Variants in ENOX1 observed in about 807,000 individuals in gnomAD.
The protein encoded by ENOX1 is ecto-NOX disulfide-thiol exchanger 1, also known as candidate growth-related and time keeping constitutive hydroquinone (NADH) oxidase.
Under a neutral mutation model 82.5 loss-of-function variants are expected in ENOX1, and 42 were observed. The observed-to-expected ratio is 0.51, with a 90% confidence interval of 0.40 to 0.66. ENOX1 has a LOEUF of 0.66. Ranked by LOEUF, ENOX1 falls within the 30% of genes least tolerant of loss-of-function variation. ENOX1 has a pLI of 0.00. For missense variants in ENOX1, 608 were observed against 811.6 expected, an observed-to-expected ratio of 0.75 and a Z score of 3.05; for synonymous variants, 271 against 282.2, an observed-to-expected ratio of 0.96 and a Z score of 0.40.
At chr13:43,306,091 A>G (rs2046843980) in intron 11 of ENOX1, among the ~76,000 whole-genome samples, 1 of 152,162 alleles carries the variant, frequency 6.6e-6, no homozygotes, top group South Asian at 2.1e-4. Flanking sequence ...AATAAGGGAG[A>G]GAAGGCTTCT....
intron 1 of ENOX1, among the ~76,000 whole-genome samples, chr13:43,753,750 T>C (rs955422947): frequency 6.6e-6 from 1 of 152,348 alleles, no homozygotes; most frequent in Admixed American, 6.5e-5. Flanking sequence ...AATTCAAATA[T>C]GTAGTATCTA....
At chr13:43,780,749 C>T (rs1952207927) in intron 1 of ENOX1, among the ~76,000 whole-genome samples, 1 of 152,250 alleles carries the variant, frequency 6.6e-6, no homozygotes, top group South Asian at 2.1e-4. Flanking sequence ...CAGATGGTAA[C>T]TCTGGGCTCT....
chr13:43,650,657 G>A (rs1365122862), intron 2 of ENOX1, among the ~76,000 whole-genome samples: 1 of 2,460 alleles, frequency 4.1e-4, no homozygotes, highest in Non-Finnish European at 0.019. Context: ...TGGGCAACAT[G>A]GTGAAACCCG....
chr13:43,314,340 G>A (rs1407653332), intron 11 of ENOX1, among the ~76,000 whole-genome samples: 1 of 152,154 alleles, frequency 6.6e-6, no homozygotes, highest in East Asian at 1.9e-4. Flanking sequence ...TTCCAAGAAA[G>A]GGAAGGAAGT....
At chr13:43,604,515 G>C (rs1186295994) in intron 2 of ENOX1, among the ~76,000 whole-genome samples, 1 of 152,098 alleles carries the variant, frequency 6.6e-6, no homozygotes, top group Non-Finnish European at 1.5e-5. Flanking sequence ...AGATTTTTGA[G>C]GGTTTTTAAC....
chr13:43,329,170 A>T (rs1259616574), intron 9 of ENOX1, among the ~76,000 whole-genome samples: 1 of 152,198 alleles, frequency 6.6e-6, no homozygotes, highest in Non-Finnish European at 1.5e-5. Context: ...AGGATGAGTG[A>T]AAGTAGCTGT....
At chr13:43,690,514 C>G (rs1041617413) in intron 1 of ENOX1, among the ~76,000 whole-genome samples, 2 of 152,156 alleles carry the variant, frequency 1.3e-5, no homozygotes, top group Non-Finnish European at 2.9e-5. Context: ...ATGCATTTTA[C>G]TCTTCCTTTA....
chr13:43,332,638 T>C (rs918865214), intron 9 of ENOX1, among the ~76,000 whole-genome samples: 5 of 152,180 alleles, frequency 3.3e-5, no homozygotes, highest in Non-Finnish European at 7.3e-5. Flanking sequence ...TATAGTGACT[T>C]TTAAAGATTT....
intron 2 of ENOX1, among the ~76,000 whole-genome samples, chr13:43,632,682 G>C (rs2083268948): frequency 1.3e-5 from 2 of 151,976 alleles, no homozygotes; most frequent in African/African-American, 4.8e-5. Flanking sequence ...CTTGACCTCA[G>C]GTGATCCACC....
intron 2 of ENOX1, among the ~76,000 whole-genome samples, chr13:43,566,253 T>A (rs1019235700): frequency 6.6e-5 from 10 of 152,170 alleles, no homozygotes; most frequent in Admixed American, 4.6e-4. Flanking sequence ...AGATTTTTTT[T>A]AATTCTTGCA....
intron 11 of ENOX1, among the ~76,000 whole-genome samples, chr13:43,320,284 G>C (rs1271385836): frequency 6.6e-6 from 1 of 152,180 alleles, no homozygotes; most frequent in Non-Finnish European, 1.5e-5. Context: ...ACTGCTCGGG[G>C]CCTGGCATTT....
intron 2 of ENOX1, 95 bp from the exon 3 acceptor site, chr13:43,484,247 A>G: frequency 1.4e-6 from 1 of 705,090 alleles, no homozygotes; most frequent in Non-Finnish European, 1.7e-6. Flanking sequence ...TATCAGCATG[A>G]TGTTATTAAT....
chr13:43,336,751 T>A (rs1356198599), intron 9 of ENOX1, among the ~76,000 whole-genome samples: 1 of 152,132 alleles, frequency 6.6e-6, no homozygotes, highest in Non-Finnish European at 1.5e-5. Context: ...ATCTTAAGGG[T>A]GGAAAGGAAC....
intron 2 of ENOX1, among the ~76,000 whole-genome samples, chr13:43,594,880 C>T (rs932359757): frequency 2.0e-5 from 3 of 152,074 alleles, no homozygotes; most frequent in African/African-American, 7.2e-5. Flanking sequence ...GGGTGATGAA[C>T]AGCCTCCAGT....
chr13:43,312,773 C>T (rs1474488775), intron 11 of ENOX1, among the ~76,000 whole-genome samples: 3 of 152,114 alleles, frequency 2.0e-5, no homozygotes, highest in Non-Finnish European at 4.4e-5. Flanking sequence ...TTAAGGGTGG[C>T]ATTTCTGTTG....
At chr13:43,247,193 G>C (rs2043126186) in intron 14 of ENOX1, among the ~76,000 whole-genome samples, 1 of 152,156 alleles carries the variant, frequency 6.6e-6, no homozygotes, top group Non-Finnish European at 1.5e-5. Context: ...GCATGCGCCT[G>C]TAATCCCAGC....
chr13:43,569,774 A>G (rs929894378), intron 2 of ENOX1, among the ~76,000 whole-genome samples: 14 of 151,946 alleles, frequency 9.2e-5, no homozygotes, highest in African/African-American at 3.1e-4. Flanking sequence ...TAACTACACC[A>G]CGATGTTTCT....
At chr13:43,605,637 T>A (rs1235620622) in intron 2 of ENOX1, among the ~76,000 whole-genome samples, 1 of 152,106 alleles carries the variant, frequency 6.6e-6, no homozygotes, top group Non-Finnish European at 1.5e-5. Flanking sequence ...CTATTGCTCA[T>A]CATATACAAA....
intron 5 of ENOX1, among the ~76,000 whole-genome samples, chr13:43,393,900 C>A (rs2052964561): frequency 6.6e-6 from 1 of 152,122 alleles, no homozygotes; most frequent in African/African-American, 2.4e-5. Context: ...TGGATAGCCC[C>A]TTCCTGTGGT....
Sources: allele counts gnomAD v4.1 joint callset (sites outside exome capture counted in the v4.1 genomes callset), GRCh38; gene constraint gnomAD v4.1.1; transcripts MANE v1.5; gene names NCBI Gene and HGNC (gene_info 2026-07-23, HGNC 2026-07-21).